RBFOX3: variants seen among roughly 807,000 people sequenced by gnomAD.
The protein encoded by RBFOX3 is RNA binding fox-1 homolog 3.
Under a neutral mutation model 48.7 loss-of-function variants are expected in RBFOX3, and 17 were observed. That is an observed-to-expected ratio of 0.35 (90% CI 0.24 to 0.52). The LOEUF (loss-of-function observed/expected upper bound fraction) is 0.52, where lower values mean the gene tolerates loss of function less well. Among genes scored for constraint, RBFOX3 ranks in the 20% least tolerant of loss-of-function variants. The pLI is 0.94. For missense variants in RBFOX3, 382 were observed against 497.5 expected (o/e 0.77, Z 2.21); for synonymous variants, 212 against 209.5 (o/e 1.01, Z -0.10).
At chr17:79,531,367 G>A (rs1013382926) in intron 1 of RBFOX3, among the ~76,000 whole-genome samples, 89 of 152,322 alleles carry the variant, frequency 5.8e-4, no homozygotes, top group African/African-American at 2.0e-3. Flanking sequence ...CGGCCCAGGC[G>A]AGCAGGTGGG....
At chr17:79,209,142 C>T (rs950905086) in intron 4 of RBFOX3, among the ~76,000 whole-genome samples, 2 of 151,982 alleles carry the variant, frequency 1.3e-5, no homozygotes, top group African/African-American at 2.4e-5. Context: ...TCTGTACGTG[C>T]CCATTCCTCC....
At chr17:79,184,139 G>A (rs2052895648) in intron 4 of RBFOX3, among the ~76,000 whole-genome samples, 1 of 152,132 alleles carries the variant, frequency 6.6e-6, no homozygotes, top group African/African-American at 2.4e-5. Flanking sequence ...CTACGCAGAG[G>A]CTTCCGCGCT....
intron 4 of RBFOX3, among the ~76,000 whole-genome samples, chr17:79,138,444 T>A (rs1035776866): frequency 1.3e-5 from 2 of 151,868 alleles, no homozygotes; most frequent in Non-Finnish European, 2.9e-5. Context: ...CTGTGAACAC[T>A]CACTCCCAAG....
intron 2 of RBFOX3, among the ~76,000 whole-genome samples, chr17:79,353,616 A>C (rs1203951005): frequency 6.6e-6 from 1 of 152,216 alleles, no homozygotes; most frequent in Non-Finnish European, 1.5e-5. Context: ...CCAAACCTCC[A>C]GGAAATCACT....
At chr17:79,497,220 A>G (rs1276936834) in intron 1 of RBFOX3, among the ~76,000 whole-genome samples, 2 of 152,224 alleles carry the variant, frequency 1.3e-5, no homozygotes, top group Non-Finnish European at 2.9e-5. Flanking sequence ...AATTTAGGTC[A>G]TGGCTATAAT....
intron 3 of RBFOX3, among the ~76,000 whole-genome samples, chr17:79,246,619 G>C (rs12600626): frequency 0.47 from 71,228 of 152,046 alleles, 16,825 homozygotes; most frequent in Middle Eastern, 0.61. Context: ...CTGCTCCCGG[G>C]TGTGGAGAGC....
intron 1 of RBFOX3, among the ~76,000 whole-genome samples, chr17:79,556,629 C>T (rs908023964): frequency 5.1e-4 from 78 of 152,214 alleles, no homozygotes; most frequent in Non-Finnish European, 9.9e-4. Context: ...TTAAAAGACT[C>T]GAACTAATTT....
chr17:79,530,223 T>C (rs1398607776), intron 1 of RBFOX3, among the ~76,000 whole-genome samples: 2 of 152,152 alleles, frequency 1.3e-5, no homozygotes, highest in Admixed American at 1.3e-4. Context: ...GAGTGGACTT[T>C]GCGGGGGCCA....
chr17:79,459,639 C>T (rs1555747490), intron 2 of RBFOX3, among the ~76,000 whole-genome samples: 2 of 152,130 alleles, frequency 1.3e-5, no homozygotes, highest in Admixed American at 6.5e-5. Context: ...ACTTCCAGGC[C>T]ACCCTCAACA....
intron 4 of RBFOX3, among the ~76,000 whole-genome samples, chr17:79,163,161 A>G (rs1009274914): frequency 6.6e-6 from 1 of 152,198 alleles, no homozygotes; most frequent in African/African-American, 2.4e-5. Context: ...ACCTGGGAGC[A>G]TCCGGCCCCA....
At chr17:79,315,985 G>A (rs1278593688) in intron 2 of RBFOX3, among the ~76,000 whole-genome samples, 1 of 152,150 alleles carries the variant, frequency 6.6e-6, no homozygotes, top group Non-Finnish European at 1.5e-5. Flanking sequence ...GGTCTTTGGG[G>A]GAGGAAAGCT....
chr17:79,640,552 A>C, the RBFOX3 span, among the ~76,000 whole-genome samples: 13,024 of 152,236 alleles, frequency 0.086, 717 homozygotes, highest in Middle Eastern at 0.15. Context: ...CTTGATTTCA[A>C]ATATCACAAA....
chr17:79,454,955 TAC>T (rs1306245389), intron 2 of RBFOX3, among the ~76,000 whole-genome samples: 14 of 152,196 alleles, frequency 9.2e-5, no homozygotes, highest in African/African-American at 1.2e-4. Context: ...ACTGGGCTGC[TAC>T]AGAGCCAGCC....
intron 3 of RBFOX3, among the ~76,000 whole-genome samples, chr17:79,303,267 C>A (rs1035518637): frequency 2.2e-4 from 33 of 152,052 alleles, no homozygotes; most frequent in Admixed American, 1.8e-3. Context: ...ATATGTATAC[C>A]TGAAATTGAA....
chr17:79,185,712 T>A (rs2053267160), intron 4 of RBFOX3, among the ~76,000 whole-genome samples: 1 of 152,198 alleles, frequency 6.6e-6, no homozygotes, highest in South Asian at 2.1e-4. Context: ...TGACCAAGTA[T>A]CTCCTGTGGA....
Position 79,479,668 on chromosome 17 carries a change from T to G in RBFOX3, c.-175+2786A>C, listed in dbSNP as rs1054745941. On this transcript the variant is annotated intron_variant, in intron 2 of 14. Transcript: ENST00000693108. This position sits in a 1 kb window ranked among gnomAD's most constrained non-coding sequence, Gnocchi z 5.1. ...GACTTCCCAGACGCTCCCTCGGGGG[T>G]GGGCTGGTCTTGTACTTTCACTGTT... Among the ~76,000 whole-genome samples, 1 of 151,994 alleles carries G rather than the reference T, an allele frequency of 6.6e-6. No homozygotes were observed. The highest frequency in any genetic ancestry group is 1.5e-5 in the Non-Finnish European group (1 of 67,974).
Position 79,479,335 on chromosome 17 carries a change from T to C in RBFOX3, c.-175+3119A>G, listed in dbSNP as rs1036816334. Reference sequence around the variant, plus strand: ...AGGCACACCTGACCTCAGATGTGTGTACATGGCCCTCTTCCTTCAGACACC... The same window carrying C: ...AGGCACACCTGACCTCAGATGTGTGCACATGGCCCTCTTCCTTCAGACACC... On this transcript the variant is annotated intron_variant, in intron 2 of 14. Coordinates refer to ENST00000693108, the MANE Select transcript of RBFOX3 (RefSeq NM_001350451.2). This position sits in a 1 kb window ranked among gnomAD's most constrained non-coding sequence, Gnocchi z 5.1. 5.9e-5 allele frequency among the ~76,000 whole-genome samples: 9 copies of C among 152,160 alleles called. No individual in the cohort carries two copies. Among genetic ancestry groups the C allele is most frequent in the Admixed American group, 4.6e-4 (7 of 15,288 alleles).
chr17:79,502,692 C>G (rs1376271572), intron 1 of RBFOX3, among the ~76,000 whole-genome samples: 2 of 152,210 alleles, frequency 1.3e-5, no homozygotes, highest in Admixed American at 6.5e-5. Context: ...TGGAGAAAAA[C>G]GGGGTTCCAT....
the RBFOX3 span, among the ~76,000 whole-genome samples, chr17:79,636,908 C>T: frequency 6.6e-6 from 1 of 152,102 alleles, no homozygotes; most frequent in Non-Finnish European, 1.5e-5. Context: ...CAACAACATG[C>T]TGCCTATAAG....
Sources: allele counts gnomAD v4.1 joint callset (sites outside exome capture counted in the v4.1 genomes callset), GRCh38; gene constraint gnomAD v4.1.1; non-coding constraint Gnocchi (gnomAD v3.1); transcripts MANE v1.5; gene names NCBI Gene and HGNC (gene_info 2026-07-23, HGNC 2026-07-21).